Variants in TCF12 observed in about 807,000 individuals in gnomAD.
TCF12 encodes the protein DNA-binding protein HTF4.
A neutral mutation model predicts 86.0 loss-of-function variants in TCF12; 45 were observed. The observed-to-expected ratio is 0.52, with a 90% CI of 0.41 to 0.67. TCF12 has a LOEUF of 0.67. TCF12 is among the 30% of genes least tolerant of loss of function. The pLI is 0.00. For synonymous variants in TCF12, 330 were observed against 299.6 expected, an observed-to-expected ratio of 1.10 and a Z score of -1.05; for missense variants, 881 against 859.9, an observed-to-expected ratio of 1.02 and a Z score of -0.31.
At chr15:57,199,088 C>T (rs1226935568) in intron 8 of TCF12, among the ~76,000 whole-genome samples, 1 of 152,168 alleles carries the variant, frequency 6.6e-6, no homozygotes, top group Non-Finnish European at 1.5e-5. Context: ...GGTTGGCTTG[C>T]AGCTGCAGGC....
intron 3 of TCF12, among the ~76,000 whole-genome samples, chr15:57,034,803 C>G (rs1244439716): frequency 6.6e-6 from 1 of 152,156 alleles, no homozygotes. Flanking sequence ...GACACTGTCT[C>G]CCTGGTCAGT....
At chr15:57,252,073 C>A (rs1168429534) in intron 14 of TCF12, 15 of 196,158 alleles carry the variant, frequency 7.6e-5, no homozygotes, top group Non-Finnish European at 1.3e-4. Flanking sequence ...AATAAAAACA[C>A]AATAAAGATG....
intron 3 of TCF12, among the ~76,000 whole-genome samples, chr15:56,970,718 A>G (rs148451562): frequency 1.1e-3 from 168 of 152,074 alleles, no homozygotes; most frequent in African/African-American, 3.9e-3. Context: ...TGCATGGGGA[A>G]AAAACAGTAA....
intron 3 of TCF12, among the ~76,000 whole-genome samples, chr15:57,003,229 A>G (rs1301320044): frequency 6.6e-6 from 1 of 152,190 alleles, no homozygotes; most frequent in African/African-American, 2.4e-5. Flanking sequence ...GTTGTCATGG[A>G]CACCGAATTA....
intron 3 of TCF12, among the ~76,000 whole-genome samples, chr15:56,983,506 C>T (rs1161481216): frequency 6.6e-6 from 1 of 152,100 alleles, no homozygotes; most frequent in Non-Finnish European, 1.5e-5. Flanking sequence ...CCAAAATATT[C>T]TGAATTTTAA....
At chr15:57,174,475 A>C (rs2055763280) in intron 6 of TCF12, among the ~76,000 whole-genome samples, 1 of 152,246 alleles carries the variant, frequency 6.6e-6, no homozygotes, top group Non-Finnish European at 1.5e-5. Context: ...ATGAAAGACT[A>C]AATGCTTCCC....
At chr15:57,100,222 T>A (rs1596524736) in intron 5 of TCF12, among the ~76,000 whole-genome samples, 1 of 152,182 alleles carries the variant, frequency 6.6e-6, no homozygotes, top group Non-Finnish European at 1.5e-5. Context: ...GGGCCGTGGC[T>A]ACTTGGTTGC....
At chr15:56,941,201 C>A (rs1315739895) in intron 3 of TCF12, among the ~76,000 whole-genome samples, 2 of 151,178 alleles carry the variant, frequency 1.3e-5, no homozygotes, top group Non-Finnish European at 2.9e-5. Context: ...CCTGCCTCTA[C>A]AAAAAAATAC....
chr15:57,176,158 A>G (rs2055894275), intron 6 of TCF12, among the ~76,000 whole-genome samples: 1 of 152,132 alleles, frequency 6.6e-6, no homozygotes, highest in African/African-American at 2.4e-5. Context: ...TAATCGCATC[A>G]TTGCACTCCA....
At chr15:57,191,707 G>C (rs1305815786) in intron 6 of TCF12, among the ~76,000 whole-genome samples, 3 of 152,146 alleles carry the variant, frequency 2.0e-5, no homozygotes, top group African/African-American at 7.2e-5. Context: ...AGAGGCTGAG[G>C]TGGGTGGATC....
At chr15:57,089,249 T>A (rs2151102492) in intron 4 of TCF12, among the ~76,000 whole-genome samples, 1 of 152,366 alleles carries the variant, frequency 6.6e-6, no homozygotes, top group South Asian at 2.1e-4. Flanking sequence ...GGAAAATATC[T>A]AATTTTCATC....
At chr15:57,183,856 C>T (rs775206864) in intron 6 of TCF12, among the ~76,000 whole-genome samples, 5 of 152,194 alleles carry the variant, frequency 3.3e-5, no homozygotes, top group South Asian at 4.1e-4. Context: ...GATTTGGACT[C>T]GGGATACCTA....
intron 5 of TCF12, among the ~76,000 whole-genome samples, chr15:57,125,145 C>A (rs1208713979): frequency 1.3e-5 from 2 of 152,114 alleles, no homozygotes; most frequent in African/African-American, 2.4e-5. Context: ...AGCTTTCATG[C>A]CCAGGTTCAG....
chr15:57,003,809 T>C (rs1357314955), intron 3 of TCF12, among the ~76,000 whole-genome samples: 1 of 152,254 alleles, frequency 6.6e-6, no homozygotes, highest in Non-Finnish European at 1.5e-5. Flanking sequence ...TGGGTACCTA[T>C]GCAGACTGAA....
intron 5 of TCF12, 64 bp downstream of exon 5, chr15:57,091,955 C>A: frequency 1.4e-6 from 2 of 1,409,790 alleles, no homozygotes; most frequent in Non-Finnish European, 2.0e-6. Context: ...CATTTTTTAT[C>A]CCTTTGTCCA....
chr15:57,075,664 A>G (rs573050387), intron 4 of TCF12, among the ~76,000 whole-genome samples: 1 of 152,182 alleles, frequency 6.6e-6, no homozygotes, highest in East Asian at 1.9e-4. Context: ...CTGTTTTGTA[A>G]TACAAGGAAC....
intron 12 of TCF12, among the ~76,000 whole-genome samples, chr15:57,237,967 GTGATTTTTTAAAAAGTCC>G (rs1335400091): frequency 1.3e-5 from 2 of 152,134 alleles, no homozygotes; most frequent in Admixed American, 6.6e-5. Flanking sequence ...GAAAGTAAAA[GTGATTTTTTAAAAAGTCC>G]TGTAACTTAC....
At chr15:57,158,420 TC>T (rs1480262272) in intron 5 of TCF12, among the ~76,000 whole-genome samples, 1 of 152,010 alleles carries the variant, frequency 6.6e-6, no homozygotes, top group East Asian at 1.9e-4. Flanking sequence ...GCTCAAGTGA[TC>T]CACAGCCTCA....
intron 3 of TCF12, among the ~76,000 whole-genome samples, chr15:57,029,254 G>C (rs575988157): frequency 6.6e-6 from 1 of 150,898 alleles, no homozygotes; most frequent in Non-Finnish European, 1.5e-5. Flanking sequence ...TTTTTTTGGT[G>C]CCTTAGTTGA....
Sources: gnomAD v4.1 joint callset for allele counts (sites outside exome capture counted in the v4.1 genomes callset) on GRCh38, gnomAD v4.1.1 for gene constraint, MANE v1.5 for transcripts, NCBI Gene and HGNC (gene_info 2026-07-23, HGNC 2026-07-21) for gene names.